The following INTS9 variants were observed in gnomAD, a reference collection of about 807,000 sequenced individuals.
The protein encoded by INTS9 is protein related to CPSF subunits of 74 kDa.
In INTS9, 55 loss-of-function variants were observed where a neutral mutation model predicts 79.7. The ratio of observed to expected loss-of-function variants is 0.69; its 90% CI spans 0.56 to 0.86. The LOEUF (loss-of-function observed/expected upper bound fraction) is 0.86. Ranked by LOEUF, INTS9 falls within the 40% of genes least tolerant of loss-of-function variation. The pLI is 0.00. For missense variants in INTS9, 721 were observed against 831.5 expected (o/e 0.87, Z 1.64); for synonymous variants, 319 against 325.2 (o/e 0.98, Z 0.20).
At chr8:28,880,459 ATG>A (rs1012942288) in intron 1 of INTS9, among the ~76,000 whole-genome samples, 3 of 151,794 alleles carry the variant, frequency 2.0e-5, no homozygotes, top group African/African-American at 7.3e-5. Context: ...CGGGGTTTCG[ATG>A]TGTTGGCCGG....
chr8:28,820,671 C>A (rs1211880293), intron 6 of INTS9, among the ~76,000 whole-genome samples: 3 of 152,152 alleles, frequency 2.0e-5, no homozygotes, highest in Non-Finnish European at 4.4e-5. Flanking sequence ...CCAAAGATCA[C>A]AGATAAACAA....
At chr8:28,775,713 C>A (rs531180984) in intron 14 of INTS9, 46 bp downstream of exon 14, 2 of 1,592,318 alleles carry the variant, frequency 1.3e-6, no homozygotes, top group East Asian at 4.5e-5. Context: ...CTCCAAGAGC[C>A]TCTGTGGAAA....
intron 15 of INTS9, 59 bp from the exon 16 acceptor site, chr8:28,770,085 C>T: frequency 1.9e-6 from 3 of 1,584,916 alleles, no homozygotes; most frequent in Admixed American, 1.7e-5. Flanking sequence ...GGGGCCACCG[C>T]AGGCCACACT....
chr8:28,817,476 G>A lies in INTS9; in HGVS notation c.489-3864C>T, dbSNP rs376771768. 3.3e-3 allele frequency among the ~76,000 whole-genome samples: 504 copies of A among 152,142 alleles called. 5 individuals are homozygous for A. Among genetic ancestry groups the A allele is most frequent in the African/African-American group, 0.011 (448 of 41,518 alleles). On this transcript the variant is annotated intron_variant, in intron 6 of 16. Coordinates refer to ENST00000521022, the MANE Select transcript of INTS9 (RefSeq NM_018250.4). The stretch of plus-strand genomic sequence containing the variant: ...GATCAGATAGTTGTAGATATGTGGC[G>A]TTATTTCTGAGGGCTCTGTTGTGTT...
At chr8:28,770,450 G>A (rs866774847) in intron 15 of INTS9, among the ~76,000 whole-genome samples, 1 of 152,212 alleles carries the variant, frequency 6.6e-6, no homozygotes, top group African/African-American at 2.4e-5. Flanking sequence ...AGCTGCCTAC[G>A]AAATGATGAC....
intron 8 of INTS9, among the ~76,000 whole-genome samples, chr8:28,803,254 T>C (rs778836793): frequency 5.9e-5 from 9 of 152,198 alleles, no homozygotes; most frequent in African/African-American, 1.9e-4. Flanking sequence ...CAAGAAGCTA[T>C]TGAAATAATA....
chr8:28,775,872 G>GGGACT lies in INTS9; in HGVS notation c.1445_1449dup (p.His484SerfsTer8). ...CAGTCGATCATGAGGTCCATCCTGT[G>GGGACT]GGACTGGGCTGGGGGCGGCTGAGTG... On this transcript the variant is annotated frameshift_variant, in exon 14 of 17. Transcript: ENST00000521022. LOFTEE classifies it high-confidence loss of function. 1 of 1,611,538 alleles carries GGGACT rather than the reference G, an allele frequency of 6.2e-7. No individual in the cohort carries two copies. Among genetic ancestry groups the GGGACT allele is most frequent in the Non-Finnish European group, 8.5e-7 (1 of 1,178,756 alleles).
chr8:28,866,703 G>A (rs538932043), intron 1 of INTS9, among the ~76,000 whole-genome samples: 6 of 152,270 alleles, frequency 3.9e-5, no homozygotes, highest in South Asian at 4.1e-4. Context: ...CTGGCCAGGC[G>A]TGGTGGCTCA....
chr8:28,852,477 G>T (rs1175727242), intron 2 of INTS9, among the ~76,000 whole-genome samples: 2 of 152,072 alleles, frequency 1.3e-5, no homozygotes, highest in African/African-American at 4.8e-5. Flanking sequence ...TTTGCTATCA[G>T]ATCAGATTAA....
chr8:28,842,877 G>A (rs764661810), intron 4 of INTS9, among the ~76,000 whole-genome samples: 4 of 152,086 alleles, frequency 2.6e-5, no homozygotes, highest in Non-Finnish European at 5.9e-5. Context: ...GGTCCCCTTC[G>A]ACAGAGTTGA....
intron 8 of INTS9, among the ~76,000 whole-genome samples, chr8:28,809,117 TTTTTA>T (rs1042385828): frequency 2.0e-5 from 3 of 151,882 alleles, no homozygotes; most frequent in East Asian, 1.9e-4. Context: ...ACCTGGCTTT[TTTTTA>T]TTTTATTTTA....
chr8:28,832,418 T>A (rs1156541060), intron 6 of INTS9, among the ~76,000 whole-genome samples: 2 of 152,112 alleles, frequency 1.3e-5, no homozygotes, highest in African/African-American at 4.8e-5. Flanking sequence ...AAAAGATCCT[T>A]AAAACACAGG....
chr8:28,833,056 G>C (rs541024870), intron 6 of INTS9, among the ~76,000 whole-genome samples: 1 of 152,304 alleles, frequency 6.6e-6, no homozygotes, highest in African/African-American at 2.4e-5. Flanking sequence ...TGGCACACAA[G>C]TGTTACATAA....
intron 2 of INTS9, among the ~76,000 whole-genome samples, chr8:28,854,582 T>C (rs529614495): frequency 2.0e-5 from 3 of 152,196 alleles, no homozygotes; most frequent in Non-Finnish European, 4.4e-5. Context: ...ACTCACTGAA[T>C]CTTTATTCGC....
At chr8:28,802,815 A>G (rs1804595523) in intron 8 of INTS9, among the ~76,000 whole-genome samples, 2 of 152,166 alleles carry the variant, frequency 1.3e-5, no homozygotes, top group African/African-American at 4.8e-5. Context: ...TCTATTATAG[A>G]TAAGTTTCTA....
At chr8:28,880,542 G>T (rs934279270) in intron 1 of INTS9, among the ~76,000 whole-genome samples, 1 of 151,732 alleles carries the variant, frequency 6.6e-6, no homozygotes, top group Non-Finnish European at 1.5e-5. Context: ...ATTGCAGATG[G>T]AGTCTCGTTC....
rs1487977305 is a variant in INTS9 at position 28,768,296 on chromosome 8, C to T, written c.1827G>A (p.Glu609=). The T allele has an allele frequency of 1.2e-6, 2 of 1,613,644 alleles. No individual in the cohort carries two copies. The highest frequency in any genetic ancestry group is 1.7e-6 in the Non-Finnish European group (2 of 1,180,024). ...EKHGFSDIKV[E]DTAKGHIVLL... ...GGACGATATGGCCCTTGGCTGTGTC[C>T]TCCACCTTAATATCACTGAAGCCAT... Residue 609 remains glutamate, a synonymous_variant, in exon 17 of 17, where the codon GAG becomes GAA. Coordinates refer to ENST00000521022, the MANE Select transcript of INTS9 (RefSeq NM_018250.4).
intron 6 of INTS9, among the ~76,000 whole-genome samples, chr8:28,825,852 C>T (rs561870610): frequency 6.6e-6 from 1 of 152,198 alleles, no homozygotes; most frequent in East Asian, 1.9e-4. Context: ...AGTAGGGACA[C>T]AATTTACTTA....
intron 6 of INTS9, among the ~76,000 whole-genome samples, chr8:28,823,421 C>A (rs995999054): frequency 6.6e-6 from 1 of 152,166 alleles, no homozygotes; most frequent in Non-Finnish European, 1.5e-5. Flanking sequence ...CTTCTCCACC[C>A]AATTGACTGC....
Sources: allele counts gnomAD v4.1 joint callset (sites outside exome capture counted in the v4.1 genomes callset), GRCh38; gene constraint gnomAD v4.1.1; transcripts MANE v1.5; gene names NCBI Gene and HGNC (gene_info 2026-07-23, HGNC 2026-07-21).